The following BAZ2B variants were observed in gnomAD, a reference collection of about 807,000 sequenced individuals.
The protein encoded by BAZ2B is bromodomain adjacent to zinc finger domain 2B.
In BAZ2B, 91 loss-of-function variants were observed where a neutral mutation model predicts 246.0. The ratio of observed to expected loss-of-function variants is 0.37; its 90% CI spans 0.31 to 0.44. The LOEUF (loss-of-function observed/expected upper bound fraction) is 0.44. BAZ2B is among the 20% of genes least tolerant of loss of function. The pLI, the probability that BAZ2B is intolerant of heterozygous loss-of-function variation, is 1.00. For synonymous variants in BAZ2B, 855 were observed against 860.0 expected (o/e 0.99, Z 0.10); for missense variants, 2,332 against 2,533.7 (o/e 0.92, Z 1.71).
At chr2:159,634,922 A>G in the BAZ2B span, among the ~76,000 whole-genome samples, 1 of 152,194 alleles carries the variant, frequency 6.6e-6, no homozygotes, top group African/African-American at 2.4e-5. Flanking sequence ...ATCCAAAGAG[A>G]GGCGAATTAT....
intron 34 of BAZ2B, among the ~76,000 whole-genome samples, chr2:159,330,777 G>C (rs905053045): frequency 2.6e-5 from 4 of 151,904 alleles, no homozygotes; most frequent in Non-Finnish European, 4.4e-5. Context: ...AGGATAACTT[G>C]AACCTGGGGG....
At chr2:159,405,561 G>A (rs2065801462) in intron 14 of BAZ2B, among the ~76,000 whole-genome samples, 1 of 152,180 alleles carries the variant, frequency 6.6e-6, no homozygotes, top group Non-Finnish European at 1.5e-5. Context: ...ATACCAAGTA[G>A]AAGAGTGGTG....
chr2:159,563,163 A>G (rs574370701), intron 1 of BAZ2B, among the ~76,000 whole-genome samples: 1 of 152,330 alleles, frequency 6.6e-6, no homozygotes, highest in South Asian at 2.1e-4. Flanking sequence ...TTCAAAGAAC[A>G]TTGCTATGAA....
At chr2:159,629,960 C>G in the BAZ2B span, among the ~76,000 whole-genome samples, 6 of 151,934 alleles carry the variant, frequency 3.9e-5, no homozygotes, top group Non-Finnish European at 8.8e-5. Context: ...AGTATGTCAC[C>G]ATTCATCTAA....
At chr2:159,632,554 G>A in the BAZ2B span, among the ~76,000 whole-genome samples, 2 of 152,208 alleles carry the variant, frequency 1.3e-5, no homozygotes, top group South Asian at 4.1e-4. Context: ...AAACACCTAT[G>A]TAGTGGTGTG....
intron 13 of BAZ2B, among the ~76,000 whole-genome samples, chr2:159,420,986 T>G (rs931998596): frequency 3.9e-5 from 6 of 152,214 alleles, no homozygotes; most frequent in Admixed American, 3.9e-4. Flanking sequence ...ACAATTGTTT[T>G]GTTCCATGAA....
At chr2:159,335,113 ATCATT>A (rs936957904) in intron 33 of BAZ2B, among the ~76,000 whole-genome samples, 1 of 152,198 alleles carries the variant, frequency 6.6e-6, no homozygotes, top group African/African-American at 2.4e-5. Context: ...TTTTAAAAAA[ATCATT>A]ATTGCCTAGA....
At chr2:159,383,316 T>G (rs2062225258) in intron 24 of BAZ2B, among the ~76,000 whole-genome samples, 1 of 152,136 alleles carries the variant, frequency 6.6e-6, no homozygotes. Flanking sequence ...AAAAGCAACT[T>G]AATAGCAACC....
intron 25 of BAZ2B, 117 bp from the exon 26 acceptor site, chr2:159,374,870 T>C (rs2061255104): frequency 1.2e-6 from 1 of 824,028 alleles, no homozygotes; most frequent in South Asian, 1.7e-5. Flanking sequence ...ACTCAGTTCT[T>C]TTCTATAAAC....
intron 2 of BAZ2B, among the ~76,000 whole-genome samples, chr2:159,551,963 T>G (rs373469684): frequency 2.6e-5 from 4 of 152,190 alleles, no homozygotes; most frequent in African/African-American, 9.7e-5. Flanking sequence ...AATTGGGTCT[T>G]AGACTAAGAA....
chr2:159,528,925 T>C (rs370907865), intron 2 of BAZ2B, among the ~76,000 whole-genome samples: 20 of 121,298 alleles, frequency 1.6e-4, no homozygotes, highest in African/African-American at 6.4e-4. Flanking sequence ...ACCCTTTGGA[T>C]ACAGGAAGGG....
chr2:159,710,612 A>G, the BAZ2B span: 1 of 152,224 alleles, frequency 6.6e-6, no homozygotes, highest in Non-Finnish European at 1.5e-5. Context: ...AACACAACGA[A>G]CCATTCTTAA....
chr2:159,678,279 AT>A, the BAZ2B span, among the ~76,000 whole-genome samples: 785 of 152,344 alleles, frequency 5.2e-3, 12 homozygotes, highest in African/African-American at 0.018. Context: ...CAATTAAGTT[AT>A]TTGATCAAGT....
chr2:159,430,757 T>C lies in BAZ2B; in HGVS notation c.2194+106A>G, dbSNP rs980790782. The C allele has an allele frequency of 2.7e-5, 40 of 1,490,742 alleles. No individual in the cohort carries two copies. The South Asian group carries it at 5.3e-4, about 20-fold the overall frequency. The allele number at this position is 1,490,742 out of a possible 1,614,324, so 92.3% of individuals were successfully genotyped here. A position where few individuals can be genotyped will look rare whatever the true frequency, so the allele number is the denominator to read the frequency against. On this transcript the variant is annotated intron_variant, in intron 10 of 36. Coordinates refer to ENST00000392783, the MANE Select transcript of BAZ2B (RefSeq NM_013450.4). ...TTCCTTAGCCAACCTAAAATCTAAC[T>C]TTAATCTTGATTCCAGTGAGATCAT... is the stretch of plus-strand genomic sequence containing the variant.
At chr2:159,325,015 A>C (rs2063251706) in intron 35 of BAZ2B, 61 bp from the exon 36 acceptor site, 8 of 823,200 alleles carry the variant, frequency 9.7e-6, no homozygotes, top group Non-Finnish European at 1.3e-5. Flanking sequence ...TTTTTTAATT[A>C]AAAAAGCTTT....
intron 1 of BAZ2B, among the ~76,000 whole-genome samples, chr2:159,594,425 GA>G (rs1245939702): frequency 1.3e-5 from 2 of 152,046 alleles, no homozygotes; most frequent in African/African-American, 4.8e-5. Flanking sequence ...AAAGTAATTA[GA>G]AAAACTAAGT....
In BAZ2B at chr2:159,330,123, C is replaced by T. The variant is rs139903006; in HGVS notation, c.5943+2417G>A. Among the ~76,000 whole-genome samples, 1,222 of 152,204 alleles carry T rather than the reference C, an allele frequency of 8.0e-3. 14 individuals carry two copies. Among genetic ancestry groups the T allele is most frequent in the African/African-American group, 0.022 (929 of 41,522 alleles). ...TTAGTGAATATGATGCCATGTAAGA[C>T]CACTTGCTATCTTGTGAAATATAGT... On this transcript the variant is annotated intron_variant, in intron 34 of 36. Coordinates refer to ENST00000392783, the MANE Select transcript of BAZ2B (RefSeq NM_013450.4).
intron 33 of BAZ2B, among the ~76,000 whole-genome samples, chr2:159,333,959 C>T (rs2065204111): frequency 6.6e-6 from 1 of 152,136 alleles, no homozygotes; most frequent in South Asian, 2.1e-4. Flanking sequence ...CCTTTCCTAA[C>T]ATCACCATCA....
chr2:159,628,162 G>A, the BAZ2B span, among the ~76,000 whole-genome samples: 11 of 152,008 alleles, frequency 7.2e-5, no homozygotes, highest in Non-Finnish European at 1.5e-4. Flanking sequence ...GCTCAAGGAA[G>A]TAAGAGAGGA....
Sources: allele counts gnomAD v4.1 joint callset (sites outside exome capture counted in the v4.1 genomes callset), GRCh38; gene constraint gnomAD v4.1.1; transcripts MANE v1.5; gene names NCBI Gene and HGNC (gene_info 2026-07-23, HGNC 2026-07-21).